Variants in PTPRT observed in about 807,000 individuals in gnomAD.
The protein encoded by PTPRT is receptor-type tyrosine-protein phosphatase T.
A neutral mutation model predicts 176.8 loss-of-function variants in PTPRT; 56 were observed. The observed-to-expected ratio is 0.32, with a 90% confidence interval of 0.26 to 0.40. PTPRT has a LOEUF of 0.40. PTPRT is among the 10% of genes least tolerant of loss of function. The pLI is 1.00. For synonymous variants in PTPRT, 783 were observed against 739.0 expected, an observed-to-expected ratio of 1.06 and a Z score of -0.96; for missense variants, 1,540 against 1,908.2, an observed-to-expected ratio of 0.81 and a Z score of 3.60.
intron 15 of PTPRT, among the ~76,000 whole-genome samples, chr20:42,225,266 C>G (rs762858449): frequency 6.6e-6 from 1 of 152,056 alleles, no homozygotes; most frequent in Non-Finnish European, 1.5e-5. Flanking sequence ...CTCTCTCTCT[C>G]TCCCTCCCTC....
At chr20:42,089,918 G>C (rs1984430350) in intron 27 of PTPRT, among the ~76,000 whole-genome samples, 1 of 152,196 alleles carries the variant, frequency 6.6e-6, no homozygotes, top group Non-Finnish European at 1.5e-5. Flanking sequence ...TTTAGCTCAA[G>C]ACTGTCCTGG....
chr20:42,749,716 T>A (rs756122827), intron 6 of PTPRT, among the ~76,000 whole-genome samples: 4 of 152,236 alleles, frequency 2.6e-5, no homozygotes, highest in Non-Finnish European at 5.9e-5. Context: ...TTCTTCCTGC[T>A]AGACCATGAG....
At chr20:43,022,984 A>G (rs928969131) in intron 1 of PTPRT, among the ~76,000 whole-genome samples, 1 of 152,240 alleles carries the variant, frequency 6.6e-6, no homozygotes, top group African/African-American at 2.4e-5. Flanking sequence ...AAATGGTTCC[A>G]GGGGCAAAGG....
Position 42,756,477 on chromosome 20 carries a change from C to G in PTPRT, c.844G>C (p.Glu282Gln). Residue 282 changes from glutamate (E) to glutamine (Q), a missense_variant, in exon 6 of 31, where the codon GAG (glutamate) becomes CAG (glutamine). This residue lies in a region of PTPRT where 273 missense variants were observed against 432.1 expected (regional missense o/e 0.63). Transcript: ENST00000373187. Reference protein sequence around the residue: ...DGGSGVSNYAELIVKEPPTPI... With the variant: ...DGGSGVSNYAQLIVKEPPTPI... ...AGGCACTCACCTTTCACGATCAGCT[C>G]CGCGTAGTTGGACACACCAGACCCA... 6.3e-7 allele frequency: 1 copy of G among 1,580,466 alleles called. No individual in the cohort carries two copies. The highest frequency in any genetic ancestry group is 2.3e-5 in the East Asian group (1 of 43,968).
At chr20:43,082,266 T>C (rs1445282462) in intron 1 of PTPRT, among the ~76,000 whole-genome samples, 2 of 150,396 alleles carry the variant, frequency 1.3e-5, no homozygotes, top group African/African-American at 4.9e-5. Flanking sequence ...TTTGATTTCC[T>C]CACCCTATTT....
chr20:43,168,305 T>C (rs1279582337), intron 1 of PTPRT, among the ~76,000 whole-genome samples: 1 of 152,192 alleles, frequency 6.6e-6, no homozygotes, highest in Non-Finnish European at 1.5e-5. Context: ...AATCAAACCA[T>C]GTCATTGCCA....
intron 2 of PTPRT, among the ~76,000 whole-genome samples, chr20:42,804,715 A>G (rs2077579977): frequency 6.6e-6 from 1 of 152,192 alleles, no homozygotes; most frequent in Non-Finnish European, 1.5e-5. Context: ...AATCTGTTCC[A>G]TGCCCTCCCC....
intron 1 of PTPRT, among the ~76,000 whole-genome samples, chr20:42,897,571 G>A (rs937201117): frequency 6.6e-6 from 1 of 152,206 alleles, no homozygotes; most frequent in Non-Finnish European, 1.5e-5. Context: ...TGGGTCTCCA[G>A]TTTTCTCACA....
intron 1 of PTPRT, among the ~76,000 whole-genome samples, chr20:42,966,802 G>A (rs541133996): frequency 3.3e-5 from 5 of 152,318 alleles, no homozygotes; most frequent in South Asian, 2.1e-4. Context: ...AGAAAAGTTC[G>A]TAAAAATCAA....
intron 1 of PTPRT, chr20:42,968,754 T>G (rs912480833): frequency 6.6e-6 from 1 of 152,198 alleles, no homozygotes; most frequent in African/African-American, 2.4e-5. Context: ...TCAGCTGAAG[T>G]CTCACAGCCA....
In PTPRT at chr20:43,083,318, A is replaced by ATGTG. The variant is rs200630846; in HGVS notation, c.88+106327_88+106328insCACA. Among the ~76,000 whole-genome samples the ATGTG allele has an allele frequency of 5.1e-3, 404 of 78,522 alleles. 10 individuals are homozygous for ATGTG. Among genetic ancestry groups the ATGTG allele is most frequent in the African/African-American group, 0.018 (268 of 14,692 alleles). 51.5% of individuals were successfully genotyped at this position (78,522 alleles called of 152,430 possible). On this transcript the variant is annotated intron_variant, in intron 1 of 30. Transcript: ENST00000373187. ...ATACCATAAGATTCACCCACTTCAA[A>ATGTG]TGTATATATATATATATATATATAT...
chr20:42,420,998 T>C (rs1325346132), intron 9 of PTPRT, among the ~76,000 whole-genome samples: 12 of 152,166 alleles, frequency 7.9e-5, no homozygotes, highest in Non-Finnish European at 1.6e-4. Flanking sequence ...AGCTCCAACC[T>C]TGCCCTAAGT....
intron 15 of PTPRT, among the ~76,000 whole-genome samples, chr20:42,199,930 C>T (rs1198726165): frequency 2.0e-5 from 3 of 151,884 alleles, no homozygotes; most frequent in Admixed American, 1.3e-4. Context: ...CAACCTTATT[C>T]CCATGGGAAT....
chr20:42,119,929 A>C lies in PTPRT; in HGVS notation c.2884+6T>G. 1 of 1,608,646 alleles carries C rather than the reference A, an allele frequency of 6.2e-7. No individual in the cohort carries two copies. The highest frequency in any genetic ancestry group is 8.5e-7 in the Non-Finnish European group (1 of 1,177,334). ...CTGAGGCACTAGGTGGAGGGAGGGC[A>C]CTTACCTTGAGTCGCAATGTAGTGC... On this transcript the variant is annotated splice_donor_region_variant and intron_variant, in intron 20 of 30. Coordinates refer to ENST00000373187, the MANE Select transcript of PTPRT (RefSeq NM_007050.6).
intron 7 of PTPRT, among the ~76,000 whole-genome samples, chr20:42,485,166 T>C (rs566601080): frequency 1.3e-5 from 2 of 152,336 alleles, no homozygotes; most frequent in East Asian, 3.9e-4. Flanking sequence ...AGAAGCAATT[T>C]TGAAATTACG....
intron 12 of PTPRT, among the ~76,000 whole-genome samples, chr20:42,314,526 C>CAAAAAAAAA (rs386393782): frequency 9.8e-6 from 1 of 102,318 alleles, no homozygotes; most frequent in African/African-American, 3.5e-5. Context: ...GAGACTGTGT[C>CAAAAAAAAA]AAAAAAAAAA....
chr20:43,083,341 T>TATACAC (rs2011502971), intron 1 of PTPRT, among the ~76,000 whole-genome samples: 7 of 40,670 alleles, frequency 1.7e-4, no homozygotes, highest in African/African-American at 4.2e-4. Context: ...TATATATATA[T>TATACAC]ATATATATAT....
intron 1 of PTPRT, among the ~76,000 whole-genome samples, chr20:43,047,176 A>G (rs1986871050): frequency 6.7e-6 from 1 of 150,090 alleles, no homozygotes; most frequent in African/African-American, 2.5e-5. Context: ...GATGCTTCTC[A>G]TGTTTCATCT....
intron 19 of PTPRT, among the ~76,000 whole-genome samples, chr20:42,127,263 C>A (rs1330934429): frequency 6.6e-6 from 1 of 152,138 alleles, no homozygotes; most frequent in Non-Finnish European, 1.5e-5. Flanking sequence ...CTATGGCAGG[C>A]CTGCTTGAGG....
Sources: gnomAD v4.1 joint callset for allele counts (sites outside exome capture counted in the v4.1 genomes callset) on GRCh38, gnomAD v4.1.1 for gene constraint, gnomAD v4.1.1 regional missense constraint, MANE v1.5 for transcripts, NCBI Gene and HGNC (gene_info 2026-07-23, HGNC 2026-07-21) for gene names.